Variants in NLRC5 observed in about 807,000 individuals in gnomAD.
NLRC5 encodes protein NLRC5.
In NLRC5, 114 loss-of-function variants were observed where a neutral mutation model predicts 206.9. That is an observed-to-expected ratio of 0.55 (90% CI 0.47 to 0.64). The LOEUF is 0.64. Among genes scored for constraint, NLRC5 ranks in the 30% least tolerant of loss-of-function variants. The probability of loss-of-function intolerance (pLI) is 0.00; values close to 1 mark genes in which losing one functional copy is unlikely to be tolerated. For synonymous variants in NLRC5, 952 were observed against 962.8 expected (o/e 0.99, Z 0.21); for missense variants, 2,008 against 2,305.5 (o/e 0.87, Z 2.64).
chr16:57,027,139 G>T (rs2061338975), intron 6 of NLRC5, 121 bp downstream of exon 6: 3 of 1,181,260 alleles, frequency 2.5e-6, no homozygotes, highest in Non-Finnish European at 3.5e-6. Context: ...AGAACATAAT[G>T]GCCTGCAATG....
chr16:57,041,086 C>G (rs937862373), intron 17 of NLRC5, among the ~76,000 whole-genome samples: 2 of 152,318 alleles, frequency 1.3e-5, no homozygotes, highest in African/African-American at 4.8e-5. Context: ...ACTCTTCCCC[C>G]CTTCTCTCTT....
chr16:57,026,957 T>A lies in NLRC5; in HGVS notation c.2014T>A (p.Cys672Ser), dbSNP rs1202721640. 6.2e-7 allele frequency: 1 copy of A among 1,614,048 alleles called. No individual in the cohort carries two copies. Among genetic ancestry groups the A allele is most frequent in the Non-Finnish European group, 8.5e-7 (1 of 1,180,032 alleles). ...EAPIHLDFDG[C>S]PLEPHCPEAL... is the part of the protein sequence containing the mutation. ...CCCCATCCACCTGGATTTTGATGGC[T>A]GTCCCCTGGAGCCCCACTGCCCTGA... Residue 672 changes from cysteine to serine, a missense_variant, in exon 6 of 49, where the codon TGT (cysteine) becomes AGT (serine). Physicochemically the swap from Cys to Ser is moderately radical, Grantham distance 112 (BLOSUM62 -1). Transcript: ENST00000688547.
At chr16:57,034,419 G>A (rs1437877077) in intron 13 of NLRC5, 168 bp downstream of exon 13, 1 of 616,790 alleles carries the variant, frequency 1.6e-6, no homozygotes, top group African/African-American at 1.8e-5. Flanking sequence ...ACTTGTCCCG[G>A]GTCAGGTGCT....
At chr16:56,994,728 T>A (rs1398724534) in intron 1 of NLRC5, among the ~76,000 whole-genome samples, 2 of 151,148 alleles carry the variant, frequency 1.3e-5, no homozygotes, top group East Asian at 3.9e-4. Context: ...TCAGAGGGGA[T>A]GGCAAGAAAC....
intron 33 of NLRC5, 59 bp from the exon 34 acceptor site, chr16:57,066,475 C>T: frequency 3.3e-6 from 5 of 1,495,848 alleles, no homozygotes; most frequent in Non-Finnish European, 4.7e-6. Context: ...GCCCAGGTGC[C>T]AGCTAGGCCC....
Position 57,026,681 on chromosome 16 carries a change from C to T in NLRC5, c.1738C>T (p.Leu580=). Residue 580 remains leucine (L), a synonymous_variant, in exon 6 of 49, where the codon CTG becomes TTG. Coordinates refer to ENST00000688547, the MANE Select transcript of NLRC5 (RefSeq NM_001384950.1). ...CACCTGCCGCCCCTTCCTTAGCCAC[C>T]TGGCGCAGGGCAATGAGGACTGTGT... ...SCTCRPFLSH[L]AQGNEDCVGA... is the part of the protein sequence containing the mutation. 6.2e-7 allele frequency: 1 copy of T among 1,614,022 alleles called. No homozygotes were observed. The highest frequency in any genetic ancestry group is 2.2e-5 in the East Asian group (1 of 44,898).
Position 57,081,603 on chromosome 16 carries a change from G to A in NLRC5, c.5482G>A (p.Val1828Ile). The change falls in exon 48 of 49, where the codon GTC (valine) becomes ATC (isoleucine). Residue 1828 changes from valine to isoleucine, a missense_variant. Transcript: ENST00000688547. The part of the protein sequence containing the change: ...EGLAQGSSIQ[V>I]IRLWNNPIPC... ...ACTGGCCCAGGGGTCTAGCATCCAAGTCATCCGGTAACAGAGGCCTGCAGG... is the reference window on the plus strand; with the variant it reads ...ACTGGCCCAGGGGTCTAGCATCCAAATCATCCGGTAACAGAGGCCTGCAGG... 1 of 1,613,962 alleles carries A rather than the reference G, an allele frequency of 6.2e-7. No individual in the cohort carries two copies. Among genetic ancestry groups the A allele is most frequent in the Non-Finnish European group, 8.5e-7 (1 of 1,179,898 alleles).
rs769446528 is a variant in NLRC5, at chr16:57,043,552, G to A, written c.3151G>A (p.Gly1051Ser). The A allele has an allele frequency of 5.0e-6, 8 of 1,614,156 alleles. No homozygotes were observed. Among genetic ancestry groups the A allele is most frequent in the East Asian group, 2.2e-5 (1 of 44,872 alleles). The change falls in exon 20 of 49, where the codon GGT becomes AGT. Residue 1051 changes from glycine to serine, a missense_variant. Transcript: ENST00000688547. ...CGGTTTGTCCCTGGATGCCGTGTTG[G>A]GTTTGGTTCGGTGCTTCTCCACTCT... ...ENGLSLDAVL[G>S]LVRCFSTLQW...
At chr16:57,028,248 G>T in intron 7 of NLRC5, 54 bp from the exon 8 acceptor site, 1 of 1,587,888 alleles carries the variant, frequency 6.3e-7, no homozygotes, top group Non-Finnish European at 8.6e-7. Flanking sequence ...CAGATTCCTG[G>T]CCCCGCCCTT....
chr16:57,069,427 C>A (rs1355117828), intron 36 of NLRC5, among the ~76,000 whole-genome samples: 1 of 152,032 alleles, frequency 6.6e-6, no homozygotes, highest in Non-Finnish European at 1.5e-5. Context: ...CGAGACCACC[C>A]CCATCTCTAC....
chr16:57,013,913 T>A, intron 1 of NLRC5: 2 of 518,864 alleles, frequency 3.9e-6, no homozygotes, highest in Non-Finnish European at 7.1e-6. Flanking sequence ...AAAATGCGGC[T>A]GGTTTTCAAT....
chr16:57,007,861 A>G (rs2059092071), intron 1 of NLRC5, among the ~76,000 whole-genome samples: 1 of 152,148 alleles, frequency 6.6e-6, no homozygotes, highest in African/African-American at 2.4e-5. Flanking sequence ...TAAAACATTT[A>G]TACATTTATA....
intron 2 of NLRC5, among the ~76,000 whole-genome samples, chr16:57,019,624 C>T (rs1265782099): frequency 1.3e-5 from 2 of 152,208 alleles, no homozygotes; most frequent in African/African-American, 4.8e-5. Context: ...TGGGTTCCAC[C>T]TCATGATTCA....
rs552382170 is a variant in NLRC5 at position 56,990,223 on chromosome 16, G to A, written c.-128+606G>A. On this transcript the variant is annotated intron_variant, in intron 1 of 48. Transcript: ENST00000688547. ...TCACGACCCCAAGGCCACCTAGGTA[G>A]CCCAATCTCCACCGCTGGTTATTTT... 6.6e-5 allele frequency among the ~76,000 whole-genome samples: 10 copies of A among 152,238 alleles called. No individual in the cohort carries two copies. The South Asian group carries it at 2.1e-3, about 32-fold the overall frequency.
At chr16:56,994,357 G>A (rs1317399365) in intron 1 of NLRC5, among the ~76,000 whole-genome samples, 2 of 152,188 alleles carry the variant, frequency 1.3e-5, no homozygotes, top group African/African-American at 4.8e-5. Context: ...TACCAGCACT[G>A]CAGACACCGG....
At chr16:57,061,930 AAAAGAAAG>A (rs71383216) in intron 32 of NLRC5, 387 of 1,516,972 alleles carry the variant, frequency 2.6e-4, no homozygotes, top group Non-Finnish European at 3.3e-4. Flanking sequence ...ATTTAAGAAA[AAAAGAAAG>A]AAAGAAAGAA....
At chr16:57,059,609 C>T (rs1179822255) in intron 30 of NLRC5, 77 bp downstream of exon 30, 3 of 1,359,764 alleles carry the variant, frequency 2.2e-6, no homozygotes, top group East Asian at 2.6e-5. Context: ...CCATGGCCCC[C>T]TCTTCCCTGG....
chr16:57,076,832 A>G lies in NLRC5; in HGVS notation c.4765A>G (p.Ser1589Gly). The change falls in exon 40 of 49, where the codon AGT (serine) becomes GGT (glycine). Residue 1589 changes from serine to glycine, a missense_variant. Transcript: ENST00000688547. ...CTGCTTTTCCAGACTGAACAGGAAC[A>G]GTATCGGTGATGTCGGTTGCTGCCA... ...CLQSLRLNRN[S>G]IGDVGCCHLS... The G allele has an allele frequency of 6.2e-7, 1 of 1,614,146 alleles. No homozygotes were observed.
At chr16:57,050,295 C>A (rs2064699207) in intron 23 of NLRC5, among the ~76,000 whole-genome samples, 1 of 152,198 alleles carries the variant, frequency 6.6e-6, no homozygotes, top group Admixed American at 6.5e-5. Context: ...AGTTGGGCCT[C>A]CAGCCTGGGC....
Sources: allele counts gnomAD v4.1 joint callset (sites outside exome capture counted in the v4.1 genomes callset), GRCh38; gene constraint gnomAD v4.1.1; transcripts MANE v1.5; gene names NCBI Gene and HGNC (gene_info 2026-07-23, HGNC 2026-07-21).